CNTN5: variants seen among roughly 807,000 people sequenced by gnomAD.
CNTN5 encodes contactin 5.
CNTN5 carries 77 observed loss-of-function variants against 129.1 expected under a neutral mutation model. The ratio of observed to expected loss-of-function variants is 0.60; its 90% CI spans 0.50 to 0.72. The LOEUF (loss-of-function observed/expected upper bound fraction) is 0.72, where lower values mean the gene tolerates loss of function less well. Among genes scored for constraint, CNTN5 ranks in the 30% least tolerant of loss-of-function variants. The pLI is 0.00. For synonymous variants in CNTN5, 509 were observed against 465.6 expected, an observed-to-expected ratio of 1.09 and a Z score of -1.20; for missense variants, 1,478 against 1,328.8, an observed-to-expected ratio of 1.11 and a Z score of -1.75.
intron 18 of CNTN5, among the ~76,000 whole-genome samples, chr11:100,292,098 C>G (rs759307567): frequency 8.6e-5 from 13 of 151,954 alleles, no homozygotes; most frequent in Non-Finnish European, 1.9e-4. Flanking sequence ...CTTCCCAGCA[C>G]AGACCTGACC....
chr11:100,282,875 G>A (rs1040354930), intron 18 of CNTN5, among the ~76,000 whole-genome samples: 1 of 152,176 alleles, frequency 6.6e-6, no homozygotes, highest in Non-Finnish European at 1.5e-5. Context: ...GCCACCACAA[G>A]CCCACAGGTA....
rs936486191 is a variant in CNTN5 at position 99,127,810 on chromosome 11, C to A, written c.-210+106540C>A. On this transcript the variant is annotated intron_variant, in intron 1 of 24. Coordinates refer to ENST00000524871, the MANE Select transcript of CNTN5 (RefSeq NM_014361.4). ...TTAGGGCTGTGTGAGGTATTTTGTC[C>A]AGTGGTATCCTCCATTAACGTCTTT... 2.0e-5 allele frequency among the ~76,000 whole-genome samples: 3 copies of A among 152,104 alleles called. 1 individual carries two copies. The highest frequency in any genetic ancestry group is 4.8e-5 in the African/African-American group (2 of 41,408).
chr11:99,391,215 A>G (rs1941243418), intron 2 of CNTN5, among the ~76,000 whole-genome samples: 1 of 152,110 alleles, frequency 6.6e-6, no homozygotes, highest in Admixed American at 6.6e-5. Flanking sequence ...TAAAAGCCTT[A>G]CTCTCAAATC....
intron 21 of CNTN5, among the ~76,000 whole-genome samples, chr11:100,312,452 T>G (rs1044110655): frequency 6.6e-6 from 1 of 152,046 alleles, no homozygotes; most frequent in Non-Finnish European, 1.5e-5. Flanking sequence ...CCCCACTTAT[T>G]TTTCTCTATC....
intron 8 of CNTN5, among the ~76,000 whole-genome samples, chr11:99,959,200 C>G (rs577565387): frequency 2.0e-5 from 3 of 152,190 alleles, no homozygotes; most frequent in Non-Finnish European, 2.9e-5. Flanking sequence ...AATGTTTACA[C>G]CCACCAGGGG....
intron 2 of CNTN5, among the ~76,000 whole-genome samples, chr11:99,383,550 G>A (rs904855701): frequency 3.3e-5 from 5 of 151,228 alleles, no homozygotes; most frequent in Non-Finnish European, 5.9e-5. Flanking sequence ...ATACCTGCTC[G>A]TGGTTGATAC....
At chr11:99,982,739 C>A (rs1012075382) in intron 8 of CNTN5, among the ~76,000 whole-genome samples, 30 of 152,090 alleles carry the variant, frequency 2.0e-4, no homozygotes, top group African/African-American at 6.5e-4. Context: ...CTCCCGGGTT[C>A]ACGCCATTCT....
intron 3 of CNTN5, among the ~76,000 whole-genome samples, chr11:99,755,632 T>C (rs935497635): frequency 1.3e-5 from 2 of 152,118 alleles, no homozygotes; most frequent in East Asian, 1.9e-4. Context: ...GTAAGATATG[T>C]TTTTGCAAAT....
At chr11:99,639,329 GGAATGGCCGT>G (rs1196048982) in intron 3 of CNTN5, among the ~76,000 whole-genome samples, 1 of 152,166 alleles carries the variant, frequency 6.6e-6, no homozygotes, top group East Asian at 1.9e-4. Flanking sequence ...TGTGGTGTGA[GGAATGGCCGT>G]GAAGCTCTCT....
intron 1 of CNTN5, among the ~76,000 whole-genome samples, chr11:99,232,823 T>C (rs1187435126): frequency 6.6e-6 from 1 of 152,228 alleles, no homozygotes. Flanking sequence ...TTGTCTCTTA[T>C]ATTTCTGTTA....
chr11:99,709,300 T>C (rs1457568684), intron 3 of CNTN5, among the ~76,000 whole-genome samples: 26 of 151,838 alleles, frequency 1.7e-4, no homozygotes, highest in Non-Finnish European at 1.5e-5. Flanking sequence ...CAACATCTAC[T>C]GTATGATTGC....
chr11:99,848,978 T>A (rs1456627195), intron 6 of CNTN5, among the ~76,000 whole-genome samples: 1 of 152,142 alleles, frequency 6.6e-6, no homozygotes, highest in African/African-American at 2.4e-5. Context: ...ACCTTTTACT[T>A]TTTGCCTTTT....
chr11:99,416,312 C>T lies in CNTN5; in HGVS notation c.-71+90828C>T, dbSNP rs74338519. On this transcript the variant is annotated intron_variant, in intron 2 of 24. Transcript: ENST00000524871. The stretch of plus-strand genomic sequence containing the variant: ...TTTTTTTTTGAGACAAGGTTTTGTT[C>T]TGTCACCCAGGCTGACTGAGTACAG... 8.0e-3 allele frequency among the ~76,000 whole-genome samples: 1,211 copies of T among 151,978 alleles called. 11 individuals carry two copies. Among genetic ancestry groups the T allele is most frequent in the African/African-American group, 0.028 (1,149 of 41,434 alleles).
chr11:99,786,027 A>T (rs1263122991), intron 3 of CNTN5, among the ~76,000 whole-genome samples: 1 of 150,362 alleles, frequency 6.7e-6, no homozygotes, highest in African/African-American at 2.4e-5. Flanking sequence ...AGAGAAAGAA[A>T]TAAAGGGCAT....
intron 3 of CNTN5, among the ~76,000 whole-genome samples, chr11:99,642,781 C>T (rs1049362494): frequency 6.6e-6 from 1 of 152,172 alleles, no homozygotes; most frequent in African/African-American, 2.4e-5. Context: ...CCTCTGGTAA[C>T]CACTGCTCTA....
chr11:99,357,902 G>A (rs752859318), intron 2 of CNTN5, among the ~76,000 whole-genome samples: 5 of 151,154 alleles, frequency 3.3e-5, no homozygotes, highest in Admixed American at 1.3e-4. Flanking sequence ...TACTCCGGAG[G>A]CCGAGGCAGG....
chr11:99,079,943 A>G (rs1359490205), intron 1 of CNTN5, among the ~76,000 whole-genome samples: 1 of 152,220 alleles, frequency 6.6e-6, no homozygotes, highest in Non-Finnish European at 1.5e-5. Flanking sequence ...CTTTATTTAT[A>G]TCTGTTTTCT....
chr11:99,839,965 G>A (rs1021596379), intron 4 of CNTN5, among the ~76,000 whole-genome samples: 1 of 151,950 alleles, frequency 6.6e-6, no homozygotes, highest in Admixed American at 6.6e-5. Flanking sequence ...TCATAAGACT[G>A]AAAGTTAAAA....
At chr11:100,010,606 C>T (rs1432001449) in intron 9 of CNTN5, among the ~76,000 whole-genome samples, 1 of 149,926 alleles carries the variant, frequency 6.7e-6, no homozygotes, top group Non-Finnish European at 1.5e-5. Flanking sequence ...ACAGTGCCCC[C>T]TCCTGGCAGT....
Sources: gnomAD v4.1 joint callset for allele counts (sites outside exome capture counted in the v4.1 genomes callset) on GRCh38, gnomAD v4.1.1 for gene constraint, MANE v1.5 for transcripts, NCBI Gene and HGNC (gene_info 2026-07-23, HGNC 2026-07-21) for gene names.